The following GRHL2 variants were observed in gnomAD, a reference collection of about 807,000 sequenced individuals.
GRHL2 encodes grainyhead like transcription factor 2, also known as grainyhead-like protein 2 homolog.
In GRHL2, 21 loss-of-function variants were observed where a neutral mutation model predicts 83.8. That is an observed-to-expected ratio of 0.25 (90% CI 0.18 to 0.36). GRHL2 has a LOEUF of 0.36. Among genes scored for constraint, GRHL2 ranks in the 10% least tolerant of loss-of-function variants. The pLI, the probability that GRHL2 is intolerant of heterozygous loss-of-function variation, is 1.00. For synonymous variants in GRHL2, 280 were observed against 278.9 expected, an observed-to-expected ratio of 1.00 and a Z score of -0.04; for missense variants, 623 against 781.8, an observed-to-expected ratio of 0.80 and a Z score of 2.42.
At chr8:101,598,398 C>T (rs1812439766) in intron 7 of GRHL2, among the ~76,000 whole-genome samples, 1 of 151,826 alleles carries the variant, frequency 6.6e-6, no homozygotes, top group Admixed American at 6.6e-5. Flanking sequence ...TGCCACCATG[C>T]CCGGCTAATT....
intron 1 of GRHL2, among the ~76,000 whole-genome samples, chr8:101,535,106 G>A (rs1336231330): frequency 6.6e-6 from 1 of 152,184 alleles, no homozygotes; most frequent in African/African-American, 2.4e-5. Context: ...CTATATGATA[G>A]GGATTTGACT....
intron 1 of GRHL2, among the ~76,000 whole-genome samples, chr8:101,519,810 C>T (rs1453038034): frequency 6.6e-6 from 1 of 152,030 alleles, no homozygotes; most frequent in East Asian, 1.9e-4. Context: ...AGGCTTTCTC[C>T]CCCATCTACT....
At chr8:101,626,137 T>A (rs1320810645) in intron 9 of GRHL2, among the ~76,000 whole-genome samples, 1 of 152,048 alleles carries the variant, frequency 6.6e-6, no homozygotes, top group Non-Finnish European at 1.5e-5. Context: ...CACTTTGACT[T>A]ATCCTGTCAG....
intron 7 of GRHL2, among the ~76,000 whole-genome samples, chr8:101,597,315 G>A (rs115739476): frequency 0.015 from 2,261 of 152,226 alleles, 53 homozygotes; most frequent in African/African-American, 0.051. Flanking sequence ...AAACTGTGGC[G>A]ACAGTCCCTG....
At chr8:101,612,514 T>C (rs918048892) in intron 8 of GRHL2, among the ~76,000 whole-genome samples, 1 of 128,862 alleles carries the variant, frequency 7.8e-6, no homozygotes, top group African/African-American at 3.2e-5. Flanking sequence ...GATAGATAGA[T>C]AGATAGATAC....
chr8:101,552,622 A>G, intron 2 of GRHL2, 93 bp from the exon 3 acceptor site: 1 of 1,147,562 alleles, frequency 8.7e-7, no homozygotes, highest in South Asian at 1.2e-5. Context: ...AGAACATTCC[A>G]TTTTGGTTTC....
intron 4 of GRHL2, among the ~76,000 whole-genome samples, chr8:101,568,654 G>A (rs1811764300): frequency 6.6e-6 from 1 of 151,916 alleles, no homozygotes; most frequent in South Asian, 2.1e-4. Flanking sequence ...GGCCAGGGCA[G>A]TGTTATATAT....
intron 1 of GRHL2, among the ~76,000 whole-genome samples, chr8:101,515,878 G>A (rs139607985): frequency 4.7e-4 from 72 of 152,234 alleles, no homozygotes; most frequent in Middle Eastern, 3.4e-3. Context: ...GTTACTGTAC[G>A]TAGTGTGTCA....
At chr8:101,546,654 G>A (rs1315668801) in intron 2 of GRHL2, among the ~76,000 whole-genome samples, 1 of 152,138 alleles carries the variant, frequency 6.6e-6, no homozygotes, top group Non-Finnish European at 1.5e-5. Context: ...GGCTTCGAGT[G>A]ATCCACCGGC....
chr8:101,604,829 T>G (rs1563603629), intron 8 of GRHL2, among the ~76,000 whole-genome samples: 1 of 152,228 alleles, frequency 6.6e-6, no homozygotes, highest in African/African-American at 2.4e-5. Flanking sequence ...CTCCGATCTT[T>G]ATGATTTTTA....
chr8:101,531,018 C>G (rs957916511), intron 1 of GRHL2, among the ~76,000 whole-genome samples: 1 of 152,050 alleles, frequency 6.6e-6, no homozygotes, highest in Non-Finnish European at 1.5e-5. Context: ...ATCACTTGAG[C>G]TCAGAAGTCC....
intron 14 of GRHL2, among the ~76,000 whole-genome samples, chr8:101,652,851 C>A (rs189514126): frequency 6.6e-6 from 1 of 152,114 alleles, no homozygotes; most frequent in Non-Finnish European, 1.5e-5. Flanking sequence ...TGGTATATAC[C>A]AAGTCCACAG....
At position 101,586,065 on chromosome 8, in the gene GRHL2, C is replaced by CTTT. The variant is rs67985027; in HGVS notation, c.1003+8569_1003+8571dup. Among the ~76,000 whole-genome samples, 547 of 94,242 alleles carry CTTT rather than the reference C, an allele frequency of 5.8e-3. 53 individuals carry two copies. The highest frequency in any genetic ancestry group is 0.029 in the East Asian group (90 of 3,098). 61.8% of individuals were successfully genotyped at this position (94,242 alleles called of 152,430 possible). Reference sequence around the variant, plus strand: ...TCTTCTTTCCTTCCACCTCATGTTTCTTTTTTTTTTTTTTTTTTTTTTTTT... The same window carrying CTTT: ...TCTTCTTTCCTTCCACCTCATGTTTCTTTTTTTTTTTTTTTTTTTTTTTTTTTT... On this transcript the variant is annotated intron_variant, in intron 7 of 15. Transcript: ENST00000646743.
chr8:101,602,450 G>T (rs1238433008), intron 8 of GRHL2, among the ~76,000 whole-genome samples: 5 of 152,106 alleles, frequency 3.3e-5, no homozygotes, highest in Non-Finnish European at 7.4e-5. Context: ...ATGATATTTT[G>T]GTTTGTGTGG....
the GRHL2 span, among the ~76,000 whole-genome samples, chr8:101,678,086 G>C: frequency 2.0e-5 from 3 of 152,140 alleles, no homozygotes; most frequent in African/African-American, 7.2e-5. Flanking sequence ...AGAGAAGGAG[G>C]TCCGGAATAG....
chr8:101,564,176 G>A (rs1316486708), intron 4 of GRHL2, among the ~76,000 whole-genome samples: 1 of 152,110 alleles, frequency 6.6e-6, no homozygotes, highest in Non-Finnish European at 1.5e-5. Flanking sequence ...GGAAATCAGT[G>A]TTTACATGGC....
At chr8:101,613,731 A>T (rs1421011391) in intron 8 of GRHL2, among the ~76,000 whole-genome samples, 3 of 150,958 alleles carry the variant, frequency 2.0e-5, no homozygotes, top group Non-Finnish European at 4.4e-5. Flanking sequence ...GAGCACATTT[A>T]TATAGTTATA....
At chr8:101,545,300 A>C (rs1286303344) in intron 2 of GRHL2, among the ~76,000 whole-genome samples, 1 of 152,186 alleles carries the variant, frequency 6.6e-6, no homozygotes, top group Non-Finnish European at 1.5e-5. Flanking sequence ...TTATGAAGGC[A>C]TAAAACTCCC....
At chr8:101,677,428 C>T in the GRHL2 span, among the ~76,000 whole-genome samples, 3 of 151,890 alleles carry the variant, frequency 2.0e-5, no homozygotes, top group South Asian at 2.1e-4. Context: ...TCTCCACCCC[C>T]ACGCCTACCT....
Sources: gnomAD v4.1 joint callset for allele counts (sites outside exome capture counted in the v4.1 genomes callset) on GRCh38, gnomAD v4.1.1 for gene constraint, MANE v1.5 for transcripts, NCBI Gene and HGNC (gene_info 2026-07-23, HGNC 2026-07-21) for gene names.